The following NBEA variants were observed in gnomAD, a reference collection of about 807,000 sequenced individuals.
NBEA encodes the protein lysosomal-trafficking regulator 2.
In NBEA, 44 loss-of-function variants were observed where a neutral mutation model predicts 343.4. The observed-to-expected ratio is 0.13, with a 90% CI of 0.10 to 0.16. NBEA has a LOEUF of 0.16. NBEA is among the 10% of genes least tolerant of loss of function. The pLI is 1.00. For synonymous variants in NBEA, 1,175 were observed against 1,238.7 expected (o/e 0.95, Z 1.08); for missense variants, 2,555 against 3,631.3 (o/e 0.70, Z 7.62).
At chr13:34,993,874 A>G (rs1326756858) in intron 1 of NBEA, among the ~76,000 whole-genome samples, 1 of 152,154 alleles carries the variant, frequency 6.6e-6, no homozygotes, top group Non-Finnish European at 1.5e-5. Flanking sequence ...ATGTAGAAAC[A>G]GTAAAAGATT....
At chr13:35,220,986 A>G (rs1479547930) in intron 33 of NBEA, among the ~76,000 whole-genome samples, 1 of 152,092 alleles carries the variant, frequency 6.6e-6, no homozygotes, top group Non-Finnish European at 1.5e-5. Context: ...AGCTGTGTCC[A>G]GTCTTCTCAG....
At chr13:34,972,446 T>C (rs1310192510) in intron 1 of NBEA, among the ~76,000 whole-genome samples, 1 of 152,214 alleles carries the variant, frequency 6.6e-6, no homozygotes, top group African/African-American at 2.4e-5. Context: ...TCTCTCTAAT[T>C]TTTTAATATA....
chr13:35,023,818 T>C (rs1213756956), intron 1 of NBEA, among the ~76,000 whole-genome samples: 2 of 152,194 alleles, frequency 1.3e-5, no homozygotes, highest in African/African-American at 4.8e-5. Context: ...ATCGCAAGGC[T>C]CTTTTTCTTC....
At chr13:35,615,973 G>C (rs2082721867) in intron 48 of NBEA, among the ~76,000 whole-genome samples, 1 of 152,154 alleles carries the variant, frequency 6.6e-6, no homozygotes, top group African/African-American at 2.4e-5. Flanking sequence ...GGAAGTGCCA[G>C]CTCTCTCTGC....
intron 41 of NBEA, among the ~76,000 whole-genome samples, chr13:35,540,184 T>A (rs7993725): frequency 0.64 from 96,311 of 151,586 alleles, 31,423 homozygotes; most frequent in East Asian, 0.84. Context: ...CCCTATTACC[T>A]AATTAGTTAA....
At chr13:35,085,738 T>A (rs1438696571) in intron 10 of NBEA, among the ~76,000 whole-genome samples, 1 of 152,054 alleles carries the variant, frequency 6.6e-6, no homozygotes, top group Non-Finnish European at 1.5e-5. Context: ...GCCAGGGCAA[T>A]CAGGCAGGAG....
At chr13:35,055,849 G>A (rs2063237406) in intron 6 of NBEA, among the ~76,000 whole-genome samples, 161 bp from the exon 7 acceptor site, 1 of 152,138 alleles carries the variant, frequency 6.6e-6, no homozygotes, top group African/African-American at 2.4e-5. Context: ...TCTACCATCT[G>A]TGAAATGAGA....
chr13:35,161,183 A>G (rs576674171), intron 22 of NBEA, among the ~76,000 whole-genome samples: 1 of 152,326 alleles, frequency 6.6e-6, no homozygotes, highest in South Asian at 2.1e-4. Flanking sequence ...TTATTGAACA[A>G]TAGGCTTGCC....
At chr13:35,031,222 C>A (rs1009383561) in intron 1 of NBEA, among the ~76,000 whole-genome samples, 3 of 151,590 alleles carry the variant, frequency 2.0e-5, no homozygotes, top group Admixed American at 6.6e-5. Flanking sequence ...TAGTTTATTT[C>A]TCGAGAACCT....
chr13:35,481,042 G>C (rs1199556019), intron 41 of NBEA, among the ~76,000 whole-genome samples: 1 of 151,870 alleles, frequency 6.6e-6, no homozygotes, highest in Non-Finnish European at 1.5e-5. Context: ...TCTTCAACTA[G>C]AACATTTTGA....
intron 1 of NBEA, among the ~76,000 whole-genome samples, chr13:35,033,701 C>T (rs947444634): frequency 1.3e-5 from 2 of 151,742 alleles, no homozygotes; most frequent in African/African-American, 4.8e-5. Flanking sequence ...TTATAGTTTT[C>T]ATTATAGAGA....
At position 35,093,939 on chromosome 13, in the gene NBEA, G is replaced by T. The variant is rs558251203; in HGVS notation, c.1572-4358G>T. ...GGAGCTTATAATAAAAAGGCATTTTGCTCTCAAACTATATAAATTTTGTTA... is the reference window on the plus strand; with the variant it reads ...GGAGCTTATAATAAAAAGGCATTTTTCTCTCAAACTATATAAATTTTGTTA... On this transcript the variant is annotated intron_variant, in intron 10 of 58. Coordinates refer to ENST00000379939, the MANE Select transcript of NBEA (RefSeq NM_001385012.1). Among the ~76,000 whole-genome samples the T allele has an allele frequency of 2.6e-3, 389 of 151,604 alleles. 3 individuals carry two copies. Among genetic ancestry groups the T allele is most frequent in the African/African-American group, 8.9e-3 (370 of 41,404 alleles).
At chr13:35,305,669 T>A (rs962248068) in intron 35 of NBEA, among the ~76,000 whole-genome samples, 19 of 152,096 alleles carry the variant, frequency 1.2e-4, no homozygotes, top group African/African-American at 2.4e-5. Context: ...ATGATGCCAA[T>A]GATGATGTAG....
intron 34 of NBEA, among the ~76,000 whole-genome samples, chr13:35,283,207 G>A (rs926781530): frequency 4.6e-5 from 7 of 151,918 alleles, no homozygotes; most frequent in African/African-American, 1.7e-4. Flanking sequence ...CTCAGCAGAA[G>A]CAAAACTATA....
chr13:35,213,008 T>C (rs908001413), intron 33 of NBEA, among the ~76,000 whole-genome samples: 1 of 152,058 alleles, frequency 6.6e-6, no homozygotes, highest in Non-Finnish European at 1.5e-5. Flanking sequence ...ACAGAAGTTG[T>C]AAATTTTAAT....
intron 36 of NBEA, among the ~76,000 whole-genome samples, chr13:35,335,558 C>T (rs1192757561): frequency 6.6e-6 from 1 of 152,046 alleles, no homozygotes; most frequent in Non-Finnish European, 1.5e-5. Context: ...AGATCTTTCA[C>T]TTCTTAGGTT....
At chr13:35,177,153 C>A in intron 28 of NBEA, 50 bp downstream of exon 28, 1 of 1,353,164 alleles carries the variant, frequency 7.4e-7, no homozygotes, top group African/African-American at 1.4e-5. Context: ...TACTGTCATT[C>A]GTATGAAATA....
chr13:35,044,535 G>C (rs893865636), intron 2 of NBEA, among the ~76,000 whole-genome samples: 1 of 151,532 alleles, frequency 6.6e-6, no homozygotes, highest in Non-Finnish European at 1.5e-5. Context: ...TAACCAGTTT[G>C]CAATTTTAAA....
chr13:35,428,878 T>C (rs1256221640), intron 38 of NBEA, among the ~76,000 whole-genome samples: 1 of 152,222 alleles, frequency 6.6e-6, no homozygotes, highest in Non-Finnish European at 1.5e-5. Context: ...CATCTGGAAG[T>C]GGGGACACTG....
Sources: gnomAD v4.1 joint callset for allele counts (sites outside exome capture counted in the v4.1 genomes callset) on GRCh38, gnomAD v4.1.1 for gene constraint, MANE v1.5 for transcripts, NCBI Gene and HGNC (gene_info 2026-07-23, HGNC 2026-07-21) for gene names.